The following PCNX1 variants were observed in gnomAD, a reference collection of about 807,000 sequenced individuals.
PCNX1 encodes the protein pecanex-like protein 1.
PCNX1 carries 78 observed loss-of-function variants against 242.2 expected under a neutral mutation model. The ratio of observed to expected loss-of-function variants is 0.32; its 90% CI spans 0.27 to 0.39. The LOEUF (loss-of-function observed/expected upper bound fraction) is 0.39, where lower values mean the gene tolerates loss of function less well. PCNX1 is among the 10% of genes least tolerant of loss of function. The probability of loss-of-function intolerance (pLI) is 1.00; values close to 1 mark genes in which losing one functional copy is unlikely to be tolerated. For missense variants in PCNX1, 2,581 were observed against 2,856.5 expected (o/e 0.90, Z 2.20); for synonymous variants, 1,024 against 1,032.9 (o/e 0.99, Z 0.17).
chr14:70,950,714 T>C (rs2057743439), intron 2 of PCNX1, among the ~76,000 whole-genome samples: 1 of 152,102 alleles, frequency 6.6e-6, no homozygotes, highest in African/African-American at 2.4e-5. Context: ...TGTTTAATAT[T>C]CCCGTTTTTG....
At chr14:70,933,531 A>G (rs2056883216) in intron 1 of PCNX1, among the ~76,000 whole-genome samples, 1 of 152,204 alleles carries the variant, frequency 6.6e-6, no homozygotes, top group Non-Finnish European at 1.5e-5. Flanking sequence ...TAGCATGTTT[A>G]TTTGTTTATA....
intron 26 of PCNX1, among the ~76,000 whole-genome samples, chr14:71,071,010 C>T (rs908308558): frequency 2.6e-5 from 4 of 152,322 alleles, no homozygotes; most frequent in East Asian, 1.9e-4. Context: ...GCAGCTTTAA[C>T]GTCAGCACTT....
intron 22 of PCNX1, among the ~76,000 whole-genome samples, chr14:71,050,043 C>T (rs2060978067): frequency 6.6e-6 from 1 of 152,232 alleles, no homozygotes. Flanking sequence ...CTGTTTTTCA[C>T]ATTCCTTTTG....
In PCNX1 at chr14:70,993,473, C is replaced by T. The variant is rs553205739; in HGVS notation, c.2445-2268C>T. 3.7e-4 allele frequency among the ~76,000 whole-genome samples: 56 copies of T among 152,176 alleles called. 2 individuals carry two copies. The East Asian group carries it at 0.01, about 28-fold the overall frequency. On this transcript the variant is annotated intron_variant, in intron 7 of 35. Coordinates refer to ENST00000304743, the MANE Select transcript of PCNX1 (RefSeq NM_014982.3). ...ATAAAAATTAAATTGATAGTCAAAACCCTGATGTTTATAATCACATGGATT... is the reference window on the plus strand; with the variant it reads ...ATAAAAATTAAATTGATAGTCAAAATCCTGATGTTTATAATCACATGGATT...
chr14:71,002,312 T>G (rs532180969), intron 8 of PCNX1, among the ~76,000 whole-genome samples: 70 of 152,354 alleles, frequency 4.6e-4, no homozygotes, highest in Admixed American at 4.2e-3. Context: ...TGCTGCTACA[T>G]GCTCATCAGA....
intron 2 of PCNX1, among the ~76,000 whole-genome samples, chr14:70,949,389 A>C (rs1595006392): frequency 1.2e-5 from 1 of 83,854 alleles, no homozygotes; most frequent in East Asian, 2.6e-4. Context: ...GTGTATATAC[A>C]TATGTGTGTG....
intron 11 of PCNX1, among the ~76,000 whole-genome samples, chr14:71,018,584 A>G (rs1267456967): frequency 6.6e-6 from 1 of 152,208 alleles, no homozygotes. Flanking sequence ...ATTTTGCCAT[A>G]TAACAAATGT....
chr14:71,090,367 G>A (rs909605428), intron 30 of PCNX1, among the ~76,000 whole-genome samples: 6 of 152,182 alleles, frequency 3.9e-5, no homozygotes, highest in Admixed American at 3.9e-4. Flanking sequence ...AAGTGTATCT[G>A]CAGTGCTCAA....
At chr14:71,046,471 A>C (rs2060864210) in intron 20 of PCNX1, among the ~76,000 whole-genome samples, 1 of 152,118 alleles carries the variant, frequency 6.6e-6, no homozygotes, top group East Asian at 1.9e-4. Flanking sequence ...AGAACTTCCT[A>C]AAGCCAGGTG....
chr14:70,907,647 T>A lies in PCNX1; in HGVS notation c.-204T>A. ...CTCCGCCCCGCCGCTCGCCGCCTCC[T>A]CCTCTCGGGTCTCCTCCTCCTCGTT... On this transcript the variant is annotated 5_prime_UTR_variant, in exon 1 of 36. Transcript: ENST00000304743. 1.1e-5 allele frequency: 4 copies of A among 378,524 alleles called. No individual in the cohort carries two copies. Among genetic ancestry groups the A allele is most frequent in the Middle Eastern group, 9.7e-4 (1 of 1,028 alleles). The allele number at this position is 378,524 out of a possible 1,614,324, so 23.4% of individuals were successfully genotyped here. A position where few individuals can be genotyped will look rare whatever the true frequency, so the allele number is the denominator to read the frequency against.
chr14:70,993,264 G>A (rs1366233864), intron 7 of PCNX1, among the ~76,000 whole-genome samples: 1 of 151,472 alleles, frequency 6.6e-6, no homozygotes, highest in Non-Finnish European at 1.5e-5. Context: ...GGGATTACAG[G>A]CGCCCGCCAC....
rs540042330 is a variant in PCNX1 at position 71,108,941 on chromosome 14, G to A, written c.6639G>A (p.Ala2213=). Residue 2213 remains alanine (A), a synonymous_variant, in exon 34 of 36, where the codon GCG becomes GCA. Coordinates refer to ENST00000304743, the MANE Select transcript of PCNX1 (RefSeq NM_014982.3). ...ATCACACTCTCGTGGGCTTTCTTGC[G>A]ACAGAGGGAGGTCAGAGCAGTGCCA... is the stretch of plus-strand genomic sequence containing the variant. The part of the protein sequence containing the change: ...CKHHTLVGFL[A]TEGGQSSATD... 6.7e-5 allele frequency: 108 copies of A among 1,614,196 alleles called. No individual in the cohort carries two copies. Among genetic ancestry groups the A allele is most frequent in the Admixed American group, 1.8e-4 (11 of 60,024 alleles).
chr14:70,949,255 ACACACACG>A (rs1566608182), intron 2 of PCNX1, among the ~76,000 whole-genome samples: 33 of 15,808 alleles, frequency 2.1e-3, no homozygotes, highest in African/African-American at 6.3e-3. Context: ...ACGTGTATAC[ACACACACG>A]TGTATGCACA....
chr14:71,020,728 A>T (rs1298515458), intron 12 of PCNX1, among the ~76,000 whole-genome samples: 1 of 152,094 alleles, frequency 6.6e-6, no homozygotes, highest in Non-Finnish European at 1.5e-5. Flanking sequence ...TCACTCTGAA[A>T]ATAGTTTCTT....
chr14:70,945,638 C>T (rs944152456), intron 1 of PCNX1, among the ~76,000 whole-genome samples: 15 of 151,548 alleles, frequency 9.9e-5, no homozygotes, highest in African/African-American at 3.6e-4. Flanking sequence ...CCCATAAAGA[C>T]CTTTTTATTT....
intron 1 of PCNX1, among the ~76,000 whole-genome samples, chr14:70,933,373 C>T (rs1300845702): frequency 1.3e-5 from 2 of 152,100 alleles, no homozygotes; most frequent in African/African-American, 2.4e-5. Context: ...AACTATGGCC[C>T]ATGGAGGTTT....
At chr14:70,955,876 G>A (rs2051864) in intron 2 of PCNX1, among the ~76,000 whole-genome samples, 133,818 of 151,994 alleles carry the variant, frequency 0.88, 58,971 homozygotes, top group South Asian at 0.95. Flanking sequence ...TTTTTTAAAT[G>A]AAAACCCCTG....
At chr14:70,983,424 C>T (rs1026658932) in intron 6 of PCNX1, among the ~76,000 whole-genome samples, 1 of 152,142 alleles carries the variant, frequency 6.6e-6, no homozygotes, top group Non-Finnish European at 1.5e-5. Flanking sequence ...CCTGCCTCAG[C>T]CTCCCGAGTA....
chr14:71,046,314 T>C (rs1284906847), intron 20 of PCNX1, among the ~76,000 whole-genome samples: 1 of 152,096 alleles, frequency 6.6e-6, no homozygotes, highest in African/African-American at 2.4e-5. Flanking sequence ...TAAAATAAAT[T>C]ATTGATCTTA....
Sources: gnomAD v4.1 joint callset for allele counts (sites outside exome capture counted in the v4.1 genomes callset) on GRCh38, gnomAD v4.1.1 for gene constraint, MANE v1.5 for transcripts, NCBI Gene and HGNC (gene_info 2026-07-23, HGNC 2026-07-21) for gene names.